The following ZNF559 variants were observed in gnomAD, a reference collection of about 807,000 sequenced individuals.
ZNF559 encodes zinc finger protein 559, also known as putative protein product of Nbla00121.
Under a neutral mutation model 14.2 loss-of-function variants are expected in ZNF559, and 17 were observed. The ratio of observed to expected loss-of-function variants is 1.20; its 90% CI spans 0.82 to 1.80. The LOEUF (loss-of-function observed/expected upper bound fraction) is 1.80. Ranked by LOEUF, ZNF559 falls within the 40% of genes most tolerant of loss-of-function variation. The pLI is 0.00. For missense variants in ZNF559, 740 were observed against 629.7 expected (o/e 1.18, Z -1.88); for synonymous variants, 244 against 212.4 (o/e 1.15, Z -1.29).
chr19:9,343,618 A>G lies in ZNF559; in HGVS notation c.*550A>G, dbSNP rs922254434. The stretch of plus-strand genomic sequence containing the variant: ...CCACTTTGGGAACATGTCAAAGCAC[A>G]CATTGAGAAGTCCCATGAGTGAAAG... On this transcript the variant is annotated 3_prime_UTR_variant, in exon 7 of 7. Transcript: ENST00000603380. The G allele has an allele frequency of 2.0e-6, 2 of 990,326 alleles. No individual in the cohort carries two copies. Among genetic ancestry groups the G allele is most frequent in the African/African-American group, 3.5e-5 (2 of 57,382 alleles). The allele number at this position is 990,326 out of a possible 1,614,324, so 61.3% of individuals were successfully genotyped here.
chr19:9,342,598 T>C lies in ZNF559; in HGVS notation c.1147T>C (p.Cys383Arg), dbSNP rs368262880. Residue 383 changes from cysteine to arginine, a missense_variant, in exon 7 of 7, where the codon TGT (cysteine) becomes CGT (arginine). By Grantham distance (180) the Cys-to-Arg change is radical. Transcript: ENST00000603380. ...RTHTGEKPYQ[C>R]KECGKAFINS... ...TCACACTGGTGAGAAGCCTTATCAA[T>C]GTAAGGAATGTGGAAAAGCCTTTAT... is the stretch of plus-strand genomic sequence containing the variant. 5.0e-5 allele frequency: 81 copies of C among 1,614,090 alleles called. No homozygotes were observed. Among genetic ancestry groups the C allele is most frequent in the Non-Finnish European group, 6.4e-5 (76 of 1,180,000 alleles).
chr19:9,338,379 A>G, intron 3 of ZNF559, 115 bp from the exon 4 acceptor site: 1 of 733,498 alleles, frequency 1.4e-6, no homozygotes, highest in Non-Finnish European at 2.2e-6. Flanking sequence ...CTGCTCAGGC[A>G]TTTTATTATA....
At chr19:9,340,901 C>T (rs17265036) in intron 5 of ZNF559, among the ~76,000 whole-genome samples, 11,655 of 152,002 alleles carry the variant, frequency 0.077, 598 homozygotes, top group Non-Finnish European at 0.11. Flanking sequence ...AATCACCTAC[C>T]AACTTGACCT....
intron 4 of ZNF559, 24 bp from the exon 5 acceptor site, chr19:9,339,169 G>A (rs1335890087): frequency 8.1e-6 from 13 of 1,612,396 alleles, no homozygotes; most frequent in Admixed American, 5.0e-5. Context: ...CTTGCCTGAC[G>A]CCAGCATGTG....
At chr19:9,335,158 C>T (rs1885983971) in intron 2 of ZNF559, among the ~76,000 whole-genome samples, 2 of 145,144 alleles carry the variant, frequency 1.4e-5, no homozygotes, top group African/African-American at 5.4e-5. Context: ...AAAAAATTAG[C>T]TGGTCATGGT....
At chr19:9,327,409 G>A (rs1160315302) in intron 2 of ZNF559, among the ~76,000 whole-genome samples, 2 of 152,102 alleles carry the variant, frequency 1.3e-5, no homozygotes, top group African/African-American at 2.4e-5. Context: ...CACCACGCCT[G>A]GCTAATTTTT....
In ZNF559 at chr19:9,342,295, C is replaced by G. The variant is rs868814706; in HGVS notation, c.844C>G (p.Pro282Ala). The G allele has an allele frequency of 1.9e-6, 3 of 1,588,754 alleles. No individual in the cohort carries two copies. Among genetic ancestry groups the G allele is most frequent in the Non-Finnish European group, 2.6e-6 (3 of 1,171,368 alleles). Residue 282 changes from proline to alanine, a missense_variant, in exon 7 of 7, where the codon CCA becomes GCA. By Grantham distance (27) the Pro-to-Ala change is conservative. Coordinates refer to ENST00000603380, the MANE Select transcript of ZNF559 (RefSeq NM_032497.3). ...ATTTGGCAAAGCCTTTGCTTTTTCC[C>G]CAGATCTTGCTAAACATATAAGACT... ...KKFGKAFAFS[P>A]DLAKHIRLRT...
At chr19:9,338,096 G>T (rs1329000963) in intron 3 of ZNF559, 3 of 1,312,466 alleles carry the variant, frequency 2.3e-6, no homozygotes, top group South Asian at 2.5e-5. Context: ...AGGGTTTAGG[G>T]TCTAAGTGGC....
intron 1 of ZNF559, chr19:9,324,485 TG>T (rs903861107): frequency 3.0e-5 from 42 of 1,393,754 alleles, no homozygotes; most frequent in African/African-American, 4.4e-5. Flanking sequence ...CCATTTTCCC[TG>T]CTCCCCTCTG....
Position 9,342,891 on chromosome 19 carries a change from T to TA in ZNF559, c.1441dup (p.Thr481AsnfsTer10), listed in dbSNP as rs745409682. Reference sequence around the variant, plus strand: ...AAGCCTTCAGTATCTCATCAGGCCTTACAGTACACATGAGAACTCACACTG... The same window carrying TA: ...AAGCCTTCAGTATCTCATCAGGCCTTAACAGTACACATGAGAACTCACACTG... On this transcript the variant is annotated frameshift_variant, in exon 7 of 7. Coordinates refer to ENST00000603380, the MANE Select transcript of ZNF559 (RefSeq NM_032497.3). LOFTEE classifies it low-confidence loss of function (END_TRUNC). 5 of 1,614,090 alleles carry TA rather than the reference T, an allele frequency of 3.1e-6. No individual in the cohort carries two copies. In the South Asian group the frequency reaches 4.4e-5, roughly 14 times the overall value.
intron 2 of ZNF559, among the ~76,000 whole-genome samples, chr19:9,331,464 A>T (rs1437964905): frequency 1.3e-5 from 2 of 152,214 alleles, no homozygotes; most frequent in East Asian, 3.8e-4. Flanking sequence ...AAGATACTCC[A>T]TGCAAATGAT....
At chr19:9,336,411 G>A (rs1202183082) in intron 2 of ZNF559, among the ~76,000 whole-genome samples, 1 of 151,942 alleles carries the variant, frequency 6.6e-6, no homozygotes, top group East Asian at 1.9e-4. Flanking sequence ...GACCAACATA[G>A]GGAAACCCTG....
Position 9,343,825 on chromosome 19 carries a change from A to G in ZNF559, c.*757A>G. The G allele has an allele frequency of 1.0e-6, 1 of 982,488 alleles. No individual in the cohort carries two copies. Among genetic ancestry groups the G allele is most frequent in the Non-Finnish European group, 1.2e-6 (1 of 827,328 alleles). 60.9% of individuals were successfully genotyped at this position (982,488 alleles called of 1,614,324 possible). ...TTAAAGAGGTTATATATCATTAATA[A>G]AAATATCTAGCTGGTCTGAAGATCC... On this transcript the variant is annotated 3_prime_UTR_variant, in exon 7 of 7. Transcript: ENST00000603380.
At chr19:9,340,725 C>A (rs1487166296) in intron 5 of ZNF559, among the ~76,000 whole-genome samples, 2 of 111,338 alleles carry the variant, frequency 1.8e-5, no homozygotes, top group African/African-American at 7.1e-5. Context: ...TGCCACCTTG[C>A]CTGGCTAATT....
chr19:9,336,347 T>C (rs773351413), intron 2 of ZNF559, among the ~76,000 whole-genome samples: 7 of 152,118 alleles, frequency 4.6e-5, no homozygotes, highest in Non-Finnish European at 7.4e-5. Context: ...ATCCTAGCAC[T>C]TTGGGAGGCT....
At position 9,345,329 on chromosome 19, in the gene ZNF559, G is replaced by A. The variant is rs1474365200; in HGVS notation, c.*2261G>A. 6.6e-6 allele frequency: 1 copy of A among 152,218 alleles called. No homozygotes were observed. Among genetic ancestry groups the A allele is most frequent in the Non-Finnish European group, 1.5e-5 (1 of 68,036 alleles). 9.4% of individuals were successfully genotyped at this position (152,218 alleles called of 1,614,324 possible). A position where few individuals can be genotyped will look rare whatever the true frequency, so the allele number is the denominator to read the frequency against. On this transcript the variant is annotated 3_prime_UTR_variant, in exon 7 of 7. Coordinates refer to ENST00000603380, the MANE Select transcript of ZNF559 (RefSeq NM_032497.3). ...TTCTTTAAATAGTTAAGAGTGGAATGATCAGATCATATGTTAGTGTACGTT... is the reference window on the plus strand; with the variant it reads ...TTCTTTAAATAGTTAAGAGTGGAATAATCAGATCATATGTTAGTGTACGTT...
Position 9,343,333 on chromosome 19 carries a change from C to G in ZNF559, c.*265C>G. ...ACTGAACGTAGGAAACCTGTCGATG[C>G]TTACATCTTACTGAGTCTGTTTGAA... On this transcript the variant is annotated 3_prime_UTR_variant, in exon 7 of 7. Coordinates refer to ENST00000603380, the MANE Select transcript of ZNF559 (RefSeq NM_032497.3). 1.6e-6 allele frequency: 2 copies of G among 1,227,078 alleles called. No individual in the cohort carries two copies. Among genetic ancestry groups the G allele is most frequent in the Non-Finnish European group, 1.0e-6 (1 of 977,716 alleles). 76.0% of individuals were successfully genotyped at this position (1,227,078 alleles called of 1,614,324 possible).
intron 2 of ZNF559, among the ~76,000 whole-genome samples, chr19:9,327,606 G>C (rs925761214): frequency 6.6e-6 from 1 of 152,152 alleles, no homozygotes; most frequent in African/African-American, 2.4e-5. Flanking sequence ...TTTTTACATT[G>C]AGAGGTTAAC....
intron 2 of ZNF559, among the ~76,000 whole-genome samples, chr19:9,335,473 C>T (rs1194799718): frequency 6.6e-6 from 1 of 152,106 alleles, no homozygotes; most frequent in African/African-American, 2.4e-5. Context: ...CCCCCATACC[C>T]CCAGAAAAAT....
Sources: allele counts gnomAD v4.1 joint callset (sites outside exome capture counted in the v4.1 genomes callset), GRCh38; gene constraint gnomAD v4.1.1; transcripts MANE v1.5; gene names NCBI Gene and HGNC (gene_info 2026-07-23, HGNC 2026-07-21).